The following PHF24 variants were observed in gnomAD, a reference collection of about 807,000 sequenced individuals.
The protein encoded by PHF24 is PHD finger protein 24.
A neutral mutation model predicts 42.6 loss-of-function variants in PHF24; 25 were observed. The ratio of observed to expected loss-of-function variants is 0.59; its 90% confidence interval spans 0.43 to 0.82. The LOEUF (loss-of-function observed/expected upper bound fraction) is 0.82, where lower values mean the gene tolerates loss of function less well. Among genes scored for constraint, PHF24 ranks in the 40% least tolerant of loss-of-function variants. The pLI, the probability that PHF24 is intolerant of heterozygous loss-of-function variation, is 0.00. For missense variants in PHF24, 470 were observed against 538.1 expected (o/e 0.87, Z 1.25); for synonymous variants, 185 against 204.8 (o/e 0.90, Z 0.83).
At chr9:34,816,596 A>G in the PHF24 span, among the ~76,000 whole-genome samples, 1 of 152,148 alleles carries the variant, frequency 6.6e-6, no homozygotes, top group Non-Finnish European at 1.5e-5. Flanking sequence ...GTGTCCTCCC[A>G]TGGTGAAAGG....
the PHF24 span, chr9:34,728,107 T>A: frequency 6.5e-7 from 1 of 1,549,706 alleles, no homozygotes; most frequent in Non-Finnish European, 8.7e-7. Flanking sequence ...GACAGTGTTA[T>A]ATGGCATGGG....
chr9:34,876,125 T>C, the PHF24 span, among the ~76,000 whole-genome samples: 1 of 152,072 alleles, frequency 6.6e-6, no homozygotes, highest in Non-Finnish European at 1.5e-5. Context: ...ACACTTACCA[T>C]ATGACCTAGC....
At chr9:34,888,169 A>G in the PHF24 span, among the ~76,000 whole-genome samples, 2,010 of 152,206 alleles carry the variant, frequency 0.013, 49 homozygotes, top group African/African-American at 0.046. Flanking sequence ...CTCAACTTAC[A>G]TATCATCTCT....
chr9:34,773,878 A>G, the PHF24 span, among the ~76,000 whole-genome samples: 4 of 152,184 alleles, frequency 2.6e-5, no homozygotes, highest in Non-Finnish European at 4.4e-5. Flanking sequence ...TGACAGCTGA[A>G]TGTAATGTGG....
chr9:34,665,809 C>T, the PHF24 span: 2 of 630,954 alleles, frequency 3.2e-6, no homozygotes, highest in African/African-American at 3.7e-5. Context: ...CAGTTGCCAC[C>T]ACGGGACAGG....
chr9:34,822,865 G>T, the PHF24 span, among the ~76,000 whole-genome samples: 4 of 152,158 alleles, frequency 2.6e-5, no homozygotes, highest in East Asian at 1.9e-4. Flanking sequence ...CTCCTCATTC[G>T]TACTTCATCT....
chr9:34,718,894 GC>G, the PHF24 span, among the ~76,000 whole-genome samples: 3 of 152,212 alleles, frequency 2.0e-5, no homozygotes, highest in South Asian at 2.1e-4. Flanking sequence ...CTTCTGGAAA[GC>G]CCAAGAGAAG....
At chr9:34,882,399 A>G in the PHF24 span, among the ~76,000 whole-genome samples, 2 of 152,320 alleles carry the variant, frequency 1.3e-5, no homozygotes, top group East Asian at 1.9e-4. Flanking sequence ...AGGGTTTTCA[A>G]TTAGGAAAAG....
the PHF24 span, among the ~76,000 whole-genome samples, chr9:34,824,051 C>T: frequency 6.6e-6 from 1 of 152,200 alleles, no homozygotes; most frequent in Non-Finnish European, 1.5e-5. Flanking sequence ...ACCACACTCC[C>T]TTCACCCTCA....
the PHF24 span, among the ~76,000 whole-genome samples, chr9:34,904,089 T>C: frequency 6.6e-6 from 1 of 152,312 alleles, no homozygotes; most frequent in African/African-American, 2.4e-5. Flanking sequence ...TGGAGGAGTC[T>C]TTAGGGTTTT....
the PHF24 span, among the ~76,000 whole-genome samples, chr9:34,884,634 G>A: frequency 5.9e-5 from 9 of 152,200 alleles, no homozygotes; most frequent in Non-Finnish European, 1.2e-4. Context: ...CCCCACAGAG[G>A]AGAGGGACTA....
At chr9:34,848,888 A>C in the PHF24 span, among the ~76,000 whole-genome samples, 2 of 152,072 alleles carry the variant, frequency 1.3e-5, no homozygotes, top group African/African-American at 4.8e-5. Flanking sequence ...CAGGTTGTTC[A>C]GTTTCCATGT....
the PHF24 span, among the ~76,000 whole-genome samples, chr9:34,942,802 G>A: frequency 6.6e-6 from 1 of 152,020 alleles, no homozygotes; most frequent in East Asian, 1.9e-4. Flanking sequence ...TTGACAGTAA[G>A]AACACTTGGA....
chr9:34,726,654 C>T, the PHF24 span: 5 of 1,551,836 alleles, frequency 3.2e-6, no homozygotes, highest in South Asian at 5.9e-5. Flanking sequence ...GCCCAGTAAT[C>T]TTGTATGCCA....
the PHF24 span, among the ~76,000 whole-genome samples, chr9:34,698,714 C>T: frequency 5.3e-5 from 8 of 152,050 alleles, no homozygotes; most frequent in Non-Finnish European, 8.8e-5. Context: ...TCCTGACCTC[C>T]GGTGATCCAC....
the PHF24 span, among the ~76,000 whole-genome samples, chr9:34,943,521 G>A: frequency 6.6e-6 from 1 of 152,142 alleles, no homozygotes; most frequent in Non-Finnish European, 1.5e-5. Context: ...CCATGAGGAT[G>A]TTTTGGGCCT....
At chr9:34,884,786 A>G in the PHF24 span, among the ~76,000 whole-genome samples, 2 of 152,194 alleles carry the variant, frequency 1.3e-5, no homozygotes, top group African/African-American at 2.4e-5. Context: ...GTGGCATGAC[A>G]GGACTGAACA....
the PHF24 span, chr9:34,832,357 G>C: frequency 1.3e-6 from 1 of 769,928 alleles, no homozygotes; most frequent in South Asian, 1.6e-5. Flanking sequence ...GGACAGTGGT[G>C]GGGGTGGCCT....
chr9:34,735,431 G>A, the PHF24 span, among the ~76,000 whole-genome samples: 8 of 150,448 alleles, frequency 5.3e-5, no homozygotes, highest in East Asian at 6.0e-4. Flanking sequence ...CACCGCACCC[G>A]GCCCAGATAT....
Sources: gnomAD v4.1 joint callset for allele counts (sites outside exome capture counted in the v4.1 genomes callset) on GRCh38, gnomAD v4.1.1 for gene constraint, MANE v1.5 for transcripts, NCBI Gene and HGNC (gene_info 2026-07-23, HGNC 2026-07-21) for gene names.